Variants in PALM2AKAP2 observed in about 807,000 individuals in gnomAD.
The protein encoded by PALM2AKAP2 is PALM2-AKAP2 fusion protein.
Under a neutral mutation model 71.5 loss-of-function variants are expected in PALM2AKAP2, and 37 were observed. The observed-to-expected ratio is 0.52, with a 90% CI of 0.40 to 0.68. PALM2AKAP2 has a LOEUF of 0.68. Ranked by LOEUF, PALM2AKAP2 falls within the 30% of genes least tolerant of loss-of-function variation. The pLI, the probability that PALM2AKAP2 is intolerant of heterozygous loss-of-function variation, is 0.00. For missense variants in PALM2AKAP2, 1,224 were observed against 1,191.8 expected (o/e 1.03, Z -0.40); for synonymous variants, 468 against 478.8 (o/e 0.98, Z 0.29).
intron 1 of PALM2AKAP2, among the ~76,000 whole-genome samples, chr9:110,087,596 A>G (rs1029049356): frequency 5.3e-5 from 8 of 152,222 alleles, no homozygotes; most frequent in African/African-American, 1.9e-4. Flanking sequence ...GTTCTAGAAC[A>G]TGGTTCCATG....
chr9:110,010,324 T>C (rs2132316135), intron 6 of PALM2AKAP2, among the ~76,000 whole-genome samples: 1 of 151,874 alleles, frequency 6.6e-6, no homozygotes, highest in African/African-American at 2.4e-5. Flanking sequence ...AAAGACATTA[T>C]AAGTAAGAAT....
At chr9:109,665,772 T>G (rs1827472890) in intron 1 of PALM2AKAP2, among the ~76,000 whole-genome samples, 1 of 152,242 alleles carries the variant, frequency 6.6e-6, no homozygotes, top group South Asian at 2.1e-4. Context: ...CTGCTGCCTT[T>G]TGTTCAGCTA....
intron 1 of PALM2AKAP2, chr9:110,090,292 G>C: frequency 2.2e-6 from 1 of 454,256 alleles, no homozygotes; most frequent in South Asian, 1.6e-5. Context: ...TCCTTACATC[G>C]GATGTCCTAC....
intron 1 of PALM2AKAP2, among the ~76,000 whole-genome samples, chr9:109,838,518 A>G (rs1390920254): frequency 6.6e-6 from 1 of 152,244 alleles, no homozygotes; most frequent in African/African-American, 2.4e-5. Flanking sequence ...GGCAAGAAAT[A>G]ACTAAGATCA....
intron 1 of PALM2AKAP2, among the ~76,000 whole-genome samples, chr9:109,685,111 A>G (rs1005980149): frequency 1.3e-5 from 2 of 152,210 alleles, no homozygotes; most frequent in Non-Finnish European, 2.9e-5. Context: ...ATAGTGATAA[A>G]AAGCAGATTA....
chr9:110,168,441 G>T, exon 4 of PALM2AKAP2: 2 of 1,614,174 alleles, frequency 1.2e-6, no homozygotes, highest in African/African-American at 2.7e-5. Context: ...GAGCGCACTG[G>T]CTTTGCGCTG....
At chr9:110,136,478 C>T (rs1336826829) in exon 2 of PALM2AKAP2, 1 of 1,614,176 alleles carries the variant, frequency 6.2e-7, no homozygotes, top group Admixed American at 1.7e-5. Context: ...CTCCCCAGAG[C>T]CTGGTGCAGT....
At chr9:109,970,243 A>T (rs1335235329) in intron 6 of PALM2AKAP2, among the ~76,000 whole-genome samples, 1 of 152,222 alleles carries the variant, frequency 6.6e-6, no homozygotes, top group African/African-American at 2.4e-5. Context: ...TTTGAAAGAC[A>T]CACAGAATAC....
At chr9:110,040,416 C>G (rs1833490736) in intron 7 of PALM2AKAP2, among the ~76,000 whole-genome samples, 1 of 152,098 alleles carries the variant, frequency 6.6e-6, no homozygotes, top group South Asian at 2.1e-4. Context: ...GTTCAGTATA[C>G]TAGAAGGAAA....
In PALM2AKAP2 at chr9:110,092,798, C is replaced by T. The variant is rs538658716; in HGVS notation, c.157-43329C>T. Among the ~76,000 whole-genome samples, 19 of 152,306 alleles carry T rather than the reference C, an allele frequency of 1.2e-4. No homozygotes were observed. In the South Asian group the frequency reaches 3.9e-3, roughly 32 times the overall value. The stretch of plus-strand genomic sequence containing the variant: ...TGTTGGTTCTATTCTCTAGTAGACT[C>T]TTGCTTGCTGTATCAAGGTGACTGA... On this transcript the variant is annotated intron_variant, in intron 1 of 3. Transcript: ENST00000374525.
At chr9:109,651,119 G>T in intron 1 of PALM2AKAP2, among the ~76,000 whole-genome samples, 1 of 152,094 alleles carries the variant, frequency 6.6e-6, no homozygotes, top group East Asian at 1.9e-4. Flanking sequence ...GACCTCTATG[G>T]ACTCCCTCAG....
intron 6 of PALM2AKAP2, chr9:109,943,083 C>T (rs775020518): frequency 5.1e-5 from 83 of 1,614,216 alleles, no homozygotes; most frequent in Admixed American, 1.8e-4. Context: ...AAGCCCCCAG[C>T]GCTGCAGGGC....
At chr9:109,698,578 C>T (rs891196433) in intron 1 of PALM2AKAP2, among the ~76,000 whole-genome samples, 1 of 152,172 alleles carries the variant, frequency 6.6e-6, no homozygotes, top group Admixed American at 6.5e-5. Context: ...CACACCCAGC[C>T]GGGTTGCTAA....
intron 1 of PALM2AKAP2, among the ~76,000 whole-genome samples, chr9:109,827,147 A>G (rs1828172285): frequency 6.6e-6 from 1 of 152,186 alleles, no homozygotes; most frequent in African/African-American, 2.4e-5. Flanking sequence ...TCGGTGACAA[A>G]GCTCCTATAA....
At chr9:110,016,028 A>T in exon 7 of PALM2AKAP2, 2 of 1,613,706 alleles carry the variant, frequency 1.2e-6, no homozygotes, top group South Asian at 1.1e-5. Context: ...CGGCCCAGAC[A>T]TGACTATCAA....
rs114058113 is a variant in PALM2AKAP2 at position 109,816,188 on chromosome 9, T to G, written c.45+35655T>G. ...TTCTCCTACACTCCAGGGCACCTTA[T>G]GTAGGTGTTTGATCTTGGGAAATGA... On this transcript the variant is annotated intron_variant, in intron 1 of 9. Coordinates refer to the PALM2AKAP2 transcript ENST00000302798. Among the ~76,000 whole-genome samples the G allele has an allele frequency of 2.5e-3, 388 of 152,292 alleles. 5 individuals are homozygous for G. Among genetic ancestry groups the G allele is most frequent in the African/African-American group, 9.0e-3 (372 of 41,562 alleles).
intron 1 of PALM2AKAP2, among the ~76,000 whole-genome samples, chr9:110,057,860 T>A (rs187123677): frequency 6.6e-6 from 1 of 152,316 alleles, no homozygotes. Context: ...AGCATGTTAC[T>A]GTGTGAGGAA....
chr9:110,028,553 A>G (rs540708225), intron 7 of PALM2AKAP2, among the ~76,000 whole-genome samples: 2 of 152,280 alleles, frequency 1.3e-5, no homozygotes, highest in Non-Finnish European at 2.9e-5. Flanking sequence ...AAAGTAACTT[A>G]CCCAAGATCT....
At chr9:109,982,048 A>G (rs769167053) in intron 6 of PALM2AKAP2, among the ~76,000 whole-genome samples, 1 of 152,244 alleles carries the variant, frequency 6.6e-6, no homozygotes, top group Non-Finnish European at 1.5e-5. Context: ...GAAGCAACCT[A>G]AATGTCCATC....
Sources: gnomAD v4.1 joint callset for allele counts (sites outside exome capture counted in the v4.1 genomes callset) on GRCh38, gnomAD v4.1.1 for gene constraint, MANE v1.5 for transcripts, NCBI Gene and HGNC (gene_info 2026-07-23, HGNC 2026-07-21) for gene names.